The following AREL1 variants were observed in gnomAD, a reference collection of about 807,000 sequenced individuals.
The protein encoded by AREL1 is apoptosis resistant E3 ubiquitin protein ligase 1, also known as apoptosis-resistant E3 ubiquitin protein ligase 1.
AREL1 carries 62 observed loss-of-function variants against 99.0 expected under a neutral mutation model. The ratio of observed to expected loss-of-function variants is 0.63; its 90% CI spans 0.51 to 0.77. The LOEUF is 0.77. Among genes scored for constraint, AREL1 ranks in the 30% least tolerant of loss-of-function variants. The probability of loss-of-function intolerance (pLI) is 0.00; values close to 1 mark genes in which losing one functional copy is unlikely to be tolerated. For synonymous variants in AREL1, 380 were observed against 376.5 expected (o/e 1.01, Z -0.11); for missense variants, 879 against 1,027.6 (o/e 0.86, Z 1.98).
intron 1 of AREL1, among the ~76,000 whole-genome samples, chr14:74,703,941 T>C (rs565295317): frequency 6.6e-6 from 1 of 152,342 alleles, no homozygotes; most frequent in African/African-American, 2.4e-5. Context: ...TGGACCACTT[T>C]GCATTTCCAC....
intron 1 of AREL1, among the ~76,000 whole-genome samples, chr14:74,707,134 G>A (rs540193324): frequency 4.6e-5 from 7 of 151,278 alleles, no homozygotes; most frequent in African/African-American, 1.2e-4. Context: ...TTGGGAGGCC[G>A]AGGCGGGCAG....
Position 74,702,734 on chromosome 14 carries a change from A to C in AREL1, c.-334+10199T>G, listed in dbSNP as rs183733248. ...GCCACTGTCAGGCTGCAAATTTTCC[A>C]AACTTTTATGCTCTGCTTCCCTTTT... On this transcript the variant is annotated intron_variant, in intron 1 of 19. Coordinates refer to ENST00000356357, the MANE Select transcript of AREL1 (RefSeq NM_001039479.2). Among the ~76,000 whole-genome samples, 494 of 152,286 alleles carry C rather than the reference A, an allele frequency of 3.2e-3. 2 individuals are homozygous for C. The highest frequency in any genetic ancestry group is 5.6e-3 in the Non-Finnish European group (378 of 68,032).
intron 17 of AREL1, among the ~76,000 whole-genome samples, chr14:74,665,233 A>G (rs956412263): frequency 6.6e-6 from 1 of 151,914 alleles, no homozygotes; most frequent in Non-Finnish European, 1.5e-5. Flanking sequence ...GAGCTTATAC[A>G]GGAAGAAAAA....
At chr14:74,703,826 T>C (rs2090129146) in intron 1 of AREL1, among the ~76,000 whole-genome samples, 1 of 152,182 alleles carries the variant, frequency 6.6e-6, no homozygotes, top group Non-Finnish European at 1.5e-5. Flanking sequence ...TGTAGGCACA[T>C]GATTTCATTT....
At chr14:74,703,886 T>C (rs1268837915) in intron 1 of AREL1, among the ~76,000 whole-genome samples, 2 of 152,192 alleles carry the variant, frequency 1.3e-5, no homozygotes, top group African/African-American at 4.8e-5. Flanking sequence ...ATGGTAAGTA[T>C]CTACTTAACT....
At chr14:74,669,429 A>C (rs1270286007) in intron 15 of AREL1, among the ~76,000 whole-genome samples, 1 of 152,246 alleles carries the variant, frequency 6.6e-6, no homozygotes, top group African/African-American at 2.4e-5. Flanking sequence ...AATGTCCTAA[A>C]GCTGTGCTGT....
chr14:74,684,692 A>G lies in AREL1; in HGVS notation c.17-12T>C, dbSNP rs1210526749. The G allele has an allele frequency of 2.5e-6, 4 of 1,612,450 alleles. No homozygotes were observed. Among genetic ancestry groups the G allele is most frequent in the Non-Finnish European group, 3.4e-6 (4 of 1,178,832 alleles). On this transcript the variant is annotated splice_polypyrimidine_tract_variant and intron_variant, in intron 3 of 19. Transcript: ENST00000356357. ...CACTGTGATTCCACCTATGCAAAAG[A>G]GAGAACACACAAACCGCCTGCCAGT...
At chr14:74,680,938 C>A (rs900858739) in intron 5 of AREL1, among the ~76,000 whole-genome samples, 2 of 151,914 alleles carry the variant, frequency 1.3e-5, no homozygotes, top group African/African-American at 4.8e-5. Context: ...ATCCCAGCAC[C>A]TTGGGAGGCC....
intron 5 of AREL1, chr14:74,678,157 G>T (rs1004595511): frequency 1.3e-5 from 6 of 451,284 alleles, no homozygotes; most frequent in African/African-American, 8.1e-5. Flanking sequence ...TGAAAAAGAA[G>T]AATAAAGTGG....
At chr14:74,691,237 T>G (rs2089872109) in intron 2 of AREL1, 1 of 151,550 alleles carries the variant, frequency 6.6e-6, no homozygotes, top group Non-Finnish European at 1.5e-5. Flanking sequence ...GGAAGACTGC[T>G]TGAGCCTAGG....
chr14:74,675,571 C>T (rs879582886), intron 8 of AREL1, 128 bp downstream of exon 8: 18 of 1,317,932 alleles, frequency 1.4e-5, no homozygotes, highest in Non-Finnish European at 1.7e-5. Flanking sequence ...TTGAAAGTGG[C>T]TTTCTATACA....
chr14:74,666,247 G>A (rs2089206713), intron 17 of AREL1, among the ~76,000 whole-genome samples: 1 of 152,196 alleles, frequency 6.6e-6, no homozygotes, highest in Non-Finnish European at 1.5e-5. Context: ...AACGTTTGCA[G>A]AAAGACACTC....
chr14:74,683,867 A>G (rs2089689723), intron 4 of AREL1, among the ~76,000 whole-genome samples: 1 of 152,210 alleles, frequency 6.6e-6, no homozygotes, highest in South Asian at 2.1e-4. Flanking sequence ...TATATTATCA[A>G]TGCTAACCCA....
At chr14:74,706,762 T>C (rs1247133868) in intron 1 of AREL1, among the ~76,000 whole-genome samples, 2 of 152,100 alleles carry the variant, frequency 1.3e-5, no homozygotes, top group Non-Finnish European at 1.5e-5. Flanking sequence ...GACAGACAAA[T>C]AAATAATTAC....
chr14:74,692,973 T>C (rs2089913796), intron 1 of AREL1, among the ~76,000 whole-genome samples: 1 of 152,202 alleles, frequency 6.6e-6, no homozygotes, highest in Non-Finnish European at 1.5e-5. Flanking sequence ...CCTCCCAAAG[T>C]GCTGGGATTA....
intron 2 of AREL1, among the ~76,000 whole-genome samples, chr14:74,688,526 A>G (rs1164241250): frequency 1.3e-5 from 2 of 152,156 alleles, no homozygotes; most frequent in Non-Finnish European, 1.5e-5. Context: ...TCAGTTCTAC[A>G]TTTCTGCCCC....
intron 1 of AREL1, chr14:74,712,709 A>AC: frequency 3.4e-6 from 1 of 294,660 alleles, no homozygotes; most frequent in Admixed American, 4.5e-5. Flanking sequence ...ACCTAGCTGC[A>AC]CAAAGCACCA....
intron 6 of AREL1, 102 bp from the exon 7 acceptor site, chr14:74,676,423 A>C: frequency 6.8e-7 from 1 of 1,460,956 alleles, no homozygotes; most frequent in South Asian, 1.3e-5. Context: ...TCTAATCTAA[A>C]TCACAAAATT....
At chr14:74,675,118 C>G (rs1392901628) in intron 8 of AREL1, among the ~76,000 whole-genome samples, 1 of 152,190 alleles carries the variant, frequency 6.6e-6, no homozygotes, top group Non-Finnish European at 1.5e-5. Context: ...CAACAATTAT[C>G]AATTCATAGC....
Sources: allele counts gnomAD v4.1 joint callset (sites outside exome capture counted in the v4.1 genomes callset), GRCh38; gene constraint gnomAD v4.1.1; transcripts MANE v1.5; gene names NCBI Gene and HGNC (gene_info 2026-07-23, HGNC 2026-07-21).